RMST: variants seen among roughly 807,000 people sequenced by gnomAD.
RMST encodes rhabdomyosarcoma 2 associated transcript.
chr12:97,562,108 G>A (rs940491853), intron 13 of RMST, among the ~76,000 whole-genome samples: 7 of 152,046 alleles, frequency 4.6e-5, no homozygotes, highest in African/African-American at 1.7e-4. Flanking sequence ...GGATTGCCAT[G>A]CCAACCTTCA....
rs150381356 is a variant in RMST, at chr12:97,551,916, G to T, written n.1546-8621G>T. 2.2e-3 allele frequency: 340 copies of T among 152,268 alleles called. 2 individuals are homozygous for T. Among genetic ancestry groups the T allele is most frequent in the African/African-American group, 7.9e-3 (327 of 41,564 alleles). The allele number at this position is 152,268 out of a possible 1,614,324, so 9.4% of individuals were successfully genotyped here. A position where few individuals can be genotyped will look rare whatever the true frequency, so the allele number is the denominator to read the frequency against. Reference sequence around the variant, plus strand: ...AGTTCCATGCTACCAAAATCCTCTTGAGAAGGACAGCTAGCTACCCAGAAT... The same window carrying T: ...AGTTCCATGCTACCAAAATCCTCTTTAGAAGGACAGCTAGCTACCCAGAAT... On this transcript the variant is annotated intron_variant and non_coding_transcript_variant, in intron 11 of 13. Coordinates refer to ENST00000640149, the Ensembl canonical transcript of RMST.
intron 10 of RMST, among the ~76,000 whole-genome samples, chr12:97,529,617 T>A (rs1881451034): frequency 1.3e-5 from 2 of 152,084 alleles, no homozygotes; most frequent in African/African-American, 4.8e-5. Context: ...TACTCAGACA[T>A]TTTCGTGGTA....
intron 5 of RMST, among the ~76,000 whole-genome samples, chr12:97,492,171 C>A (rs978004341): frequency 6.6e-6 from 1 of 152,134 alleles, no homozygotes; most frequent in Non-Finnish European, 1.5e-5. Context: ...CTCACTGTTG[C>A]AAAAGCTAAT....
Position 97,499,299 on chromosome 12 carries a change from A to G in RMST, n.1340+3243A>G, listed in dbSNP as rs546423477. Among the ~76,000 whole-genome samples the G allele has an allele frequency of 5.3e-5, 8 of 151,692 alleles. No homozygotes were observed. In the South Asian group the frequency reaches 1.7e-3, roughly 32 times the overall value. On this transcript the variant is annotated intron_variant and non_coding_transcript_variant, in intron 10 of 13. Transcript: ENST00000640149. ...ATACTCGTTCTTGCTTGTCCATTGT[A>G]TTTCTTTCAGAGATCTGTATTCATA...
intron 5 of RMST, among the ~76,000 whole-genome samples, chr12:97,474,506 C>T (rs1164534413): frequency 6.6e-6 from 1 of 151,622 alleles, no homozygotes; most frequent in East Asian, 1.9e-4. Context: ...CCTTTTCCCC[C>T]ACCCTCATTT....
At chr12:97,512,563 T>C (rs896873559) in intron 10 of RMST, among the ~76,000 whole-genome samples, 6 of 152,196 alleles carry the variant, frequency 3.9e-5, no homozygotes, top group Admixed American at 3.3e-4. Flanking sequence ...AGAGTGTTGA[T>C]TGGTGCATTC....
At chr12:97,504,612 C>T (rs2136489802) in intron 10 of RMST, among the ~76,000 whole-genome samples, 1 of 152,094 alleles carries the variant, frequency 6.6e-6, no homozygotes, top group Non-Finnish European at 1.5e-5. Context: ...TTACCTTTTA[C>T]TTTTTGGCTT....
intron 10 of RMST, among the ~76,000 whole-genome samples, chr12:97,508,940 A>C (rs1485697367): frequency 6.6e-6 from 1 of 152,258 alleles, no homozygotes; most frequent in Admixed American, 6.5e-5. Context: ...CTTTAAAAGA[A>C]GACAAATATT....
intron 11 of RMST, chr12:97,533,239 A>G (rs1434566720): frequency 6.6e-6 from 1 of 151,846 alleles, no homozygotes; most frequent in Non-Finnish European, 1.5e-5. Context: ...CATGCTCCCA[A>G]TAGAAAAACA....
At chr12:97,521,025 A>G (rs998791594) in intron 10 of RMST, among the ~76,000 whole-genome samples, 1 of 152,206 alleles carries the variant, frequency 6.6e-6, no homozygotes, top group Non-Finnish European at 1.5e-5. Context: ...AAATCTTTAA[A>G]ATGAAATGTA....
chr12:97,474,624 C>CAA (rs34888626), intron 5 of RMST, among the ~76,000 whole-genome samples: 14,827 of 55,440 alleles, frequency 0.27, 1,456 homozygotes, highest in East Asian at 0.47. Context: ...AAAAAGAAGC[C>CAA]AAAAAAAAAA....
At chr12:97,522,393 A>G (rs1880602404) in intron 10 of RMST, among the ~76,000 whole-genome samples, 1 of 152,246 alleles carries the variant, frequency 6.6e-6, no homozygotes. Flanking sequence ...TACTCTTCAG[A>G]AACAGTAGGA....
intron 5 of RMST, among the ~76,000 whole-genome samples, chr12:97,475,565 C>A (rs1349991481): frequency 2.0e-5 from 3 of 149,768 alleles, no homozygotes; most frequent in African/African-American, 7.4e-5. Flanking sequence ...ATTATAATAC[C>A]CACCTTAGTA....
At chr12:97,519,171 G>T (rs7979230) in intron 10 of RMST, among the ~76,000 whole-genome samples, 5,977 of 152,242 alleles carry the variant, frequency 0.039, 392 homozygotes, top group African/African-American at 0.14. Flanking sequence ...GGTACTTAGG[G>T]TTTAGTACTG....
intron 10 of RMST, among the ~76,000 whole-genome samples, chr12:97,526,438 AT>A (rs1437533891): frequency 2.0e-5 from 3 of 152,090 alleles, no homozygotes; most frequent in Non-Finnish European, 4.4e-5. Context: ...GACTTTTTAG[AT>A]TAGTCTCAGT....
At chr12:97,542,124 C>A (rs1882587337) in intron 11 of RMST, among the ~76,000 whole-genome samples, 1 of 151,772 alleles carries the variant, frequency 6.6e-6, no homozygotes, top group Admixed American at 6.6e-5. Flanking sequence ...AGTCAGGTAG[C>A]CTGAGTTTAG....
chr12:97,512,361 G>A (rs749217618), intron 10 of RMST, among the ~76,000 whole-genome samples: 7 of 152,146 alleles, frequency 4.6e-5, no homozygotes, highest in South Asian at 2.1e-4. Context: ...CTTCCACAGC[G>A]TGTAAGGGGA....
chr12:97,529,336 A>C (rs1381081740), intron 10 of RMST, among the ~76,000 whole-genome samples: 1 of 152,140 alleles, frequency 6.6e-6, no homozygotes, highest in African/African-American at 2.4e-5. Context: ...TCATGTAAAA[A>C]TAAAATGTAT....
chr12:97,533,741 G>A (rs534492631), intron 11 of RMST: 3 of 151,898 alleles, frequency 2.0e-5, no homozygotes, highest in African/African-American at 7.2e-5. Context: ...CTATTAAAAT[G>A]ATAATAAAGG....
Sources: gnomAD v4.1 joint callset for allele counts (sites outside exome capture counted in the v4.1 genomes callset) on GRCh38, gnomAD v4.1.1 for gene constraint, MANE v1.5 for transcripts, NCBI Gene and HGNC (gene_info 2026-07-23, HGNC 2026-07-21) for gene names.